Variants in KLHDC10 observed in about 807,000 individuals in gnomAD.
The protein encoded by KLHDC10 is kelch domain-containing protein 10.
A neutral mutation model predicts 56.1 loss-of-function variants in KLHDC10; 24 were observed. The ratio of observed to expected loss-of-function variants is 0.43; its 90% CI spans 0.31 to 0.60. The LOEUF is 0.60. KLHDC10 is among the 20% of genes least tolerant of loss of function. The pLI is 0.11. For missense variants in KLHDC10, 349 were observed against 567.0 expected (o/e 0.62, Z 3.91); for synonymous variants, 188 against 207.1 (o/e 0.91, Z 0.79).
chr7:130,072,323 T>G (rs1405862444), intron 1 of KLHDC10, among the ~76,000 whole-genome samples: 1 of 152,200 alleles, frequency 6.6e-6, no homozygotes, highest in Non-Finnish European at 1.5e-5. Context: ...ACTTCCTCAC[T>G]TCAACCACGT....
chr7:130,102,159 A>G (rs921106648), intron 2 of KLHDC10, among the ~76,000 whole-genome samples: 20 of 152,222 alleles, frequency 1.3e-4, no homozygotes, highest in African/African-American at 4.8e-4. Context: ...TTTGGCAGTA[A>G]TAAGGTCAAA....
chr7:130,082,024 G>C (rs1458225402), intron 1 of KLHDC10, among the ~76,000 whole-genome samples: 1 of 152,130 alleles, frequency 6.6e-6, no homozygotes, highest in Non-Finnish European at 1.5e-5. Context: ...TTAAAATTTG[G>C]ATAATGGGCT....
intron 1 of KLHDC10, among the ~76,000 whole-genome samples, chr7:130,084,699 C>T (rs552911524): frequency 7.9e-5 from 12 of 151,880 alleles, no homozygotes; most frequent in South Asian, 2.1e-4. Context: ...ATTGCTTGAA[C>T]CCAGGAGGCG....
In KLHDC10 at chr7:130,107,701, G is replaced by A. The variant is rs140731236; in HGVS notation, c.254-8744G>A. Among the ~76,000 whole-genome samples the A allele has an allele frequency of 3.1e-3, 470 of 151,674 alleles. 4 individuals carry two copies. Among genetic ancestry groups the A allele is most frequent in the African/African-American group, 0.011 (435 of 41,342 alleles). ...TTTACTAAAAATACAAAAATTAGCC[G>A]GGCGTCGTGGTGCACGCCTGTAATC... On this transcript the variant is annotated intron_variant, in intron 2 of 9. Coordinates refer to ENST00000335420, the MANE Select transcript of KLHDC10 (RefSeq NM_014997.4).
At chr7:130,105,878 G>A (rs1563102144) in intron 2 of KLHDC10, among the ~76,000 whole-genome samples, 1 of 152,148 alleles carries the variant, frequency 6.6e-6, no homozygotes, top group Non-Finnish European at 1.5e-5. Flanking sequence ...GGCCGGGCGC[G>A]GTGGCTCACG....
chr7:130,088,026 G>T (rs747640380), intron 1 of KLHDC10, among the ~76,000 whole-genome samples: 1 of 151,932 alleles, frequency 6.6e-6, no homozygotes, highest in East Asian at 1.9e-4. Flanking sequence ...CTCACAAAGT[G>T]CTGGAATTAC....
chr7:130,101,698 C>T (rs1209103721), intron 2 of KLHDC10, among the ~76,000 whole-genome samples: 1 of 152,104 alleles, frequency 6.6e-6, no homozygotes, highest in African/African-American at 2.4e-5. Flanking sequence ...AGGCCGGGTG[C>T]GGCGGCTCAC....
At chr7:130,125,419 T>A (rs1584640192) in intron 6 of KLHDC10, among the ~76,000 whole-genome samples, 1 of 152,066 alleles carries the variant, frequency 6.6e-6, no homozygotes, top group Non-Finnish European at 1.5e-5. Context: ...GGCGGGCACC[T>A]GTAGTCTCAG....
At chr7:130,089,819 T>C (rs1488629615) in intron 1 of KLHDC10, among the ~76,000 whole-genome samples, 2 of 152,220 alleles carry the variant, frequency 1.3e-5, no homozygotes, top group African/African-American at 4.8e-5. Context: ...GGAGTAGGAC[T>C]GTACCACATG....
chr7:130,125,197 C>G (rs910859807), intron 6 of KLHDC10, among the ~76,000 whole-genome samples: 3 of 152,196 alleles, frequency 2.0e-5, no homozygotes, highest in Non-Finnish European at 4.4e-5. Context: ...TCAAGCATCA[C>G]ATGCACTGCA....
intron 1 of KLHDC10, among the ~76,000 whole-genome samples, chr7:130,071,222 G>A (rs1461435854): frequency 6.6e-6 from 1 of 152,224 alleles, no homozygotes; most frequent in Non-Finnish European, 1.5e-5. Context: ...CGCATTCCAA[G>A]GAGTGATTTT....
intron 1 of KLHDC10, among the ~76,000 whole-genome samples, chr7:130,082,990 G>T (rs550144671): frequency 1.3e-5 from 2 of 152,074 alleles, no homozygotes; most frequent in Admixed American, 1.3e-4. Context: ...TCTTTTGTTT[G>T]TTTCCCCTTC....
At chr7:130,090,739 C>T (rs1795759811) in intron 1 of KLHDC10, among the ~76,000 whole-genome samples, 1 of 151,110 alleles carries the variant, frequency 6.6e-6, no homozygotes. Flanking sequence ...AGTGACCTTA[C>T]TCAGATTTCA....
In KLHDC10 at chr7:130,092,695, AC is replaced by A. The variant is rs1795791977; in HGVS notation, c.167-4224del. Among the ~76,000 whole-genome samples the A allele has an allele frequency of 2.6e-5, 4 of 152,062 alleles. No homozygotes were observed. The South Asian group carries it at 8.3e-4, about 32-fold the overall frequency. ...CCACTGTTCCCATCTGGGAGCAAATACCTCTATTCTATAATGCTTGACTCAA... is the reference window on the plus strand; with the variant it reads ...CCACTGTTCCCATCTGGGAGCAAATACTCTATTCTATAATGCTTGACTCAA... On this transcript the variant is annotated intron_variant, in intron 1 of 9. Coordinates refer to ENST00000335420, the MANE Select transcript of KLHDC10 (RefSeq NM_014997.4).
At chr7:130,118,206 CT>C (rs1563105101) in intron 3 of KLHDC10, among the ~76,000 whole-genome samples, 1 of 152,108 alleles carries the variant, frequency 6.6e-6, no homozygotes, top group African/African-American at 2.4e-5. Context: ...AATTAAAAAT[CT>C]GTTGTTTAGT....
chr7:130,079,918 C>G (rs1294567756), intron 1 of KLHDC10, among the ~76,000 whole-genome samples: 2 of 90,420 alleles, frequency 2.2e-5, no homozygotes, highest in African/African-American at 1.0e-4. Context: ...CCCTCCCTTC[C>G]TCCCTTTCTC....
rs1796395803 is a variant in KLHDC10, at chr7:130,131,193, C to CTT, written c.*448_*449insTT. ...GCAACAACCACAAATTTAGGGGAAGCTGAGAAGGCTAACCTTGGGAATCTT... is the reference window on the plus strand; with the variant it reads ...GCAACAACCACAAATTTAGGGGAAGCTTTGAGAAGGCTAACCTTGGGAATCTT... On this transcript the variant is annotated 3_prime_UTR_variant, in exon 10 of 10. Coordinates refer to ENST00000335420, the MANE Select transcript of KLHDC10 (RefSeq NM_014997.4). 1 of 161,908 alleles carries CTT rather than the reference C, an allele frequency of 6.2e-6. No homozygotes were observed. The highest frequency in any genetic ancestry group is 1.4e-5 in the Non-Finnish European group (1 of 72,792). The allele number at this position is 161,908 out of a possible 1,614,324, so 10.0% of individuals were successfully genotyped here. A position where few individuals can be genotyped will look rare whatever the true frequency, so the allele number is the denominator to read the frequency against.
rs1323076603 is a variant in KLHDC10 at position 130,116,710 on chromosome 7, G to A, written c.475+44G>A. 18 of 1,467,576 alleles carry A rather than the reference G, an allele frequency of 1.2e-5. No homozygotes were observed. The highest frequency in any genetic ancestry group is 1.6e-5 in the Non-Finnish European group (17 of 1,048,046). The allele number at this position is 1,467,576 out of a possible 1,614,324, so 90.9% of individuals were successfully genotyped here. A position where few individuals can be genotyped will look rare whatever the true frequency, so the allele number is the denominator to read the frequency against. Reference sequence around the variant, plus strand: ...TAACTCCTGACTTTATGAAATGTCTGAGAAGCCAGGTTCAATGTCCCATAT... The same window carrying A: ...TAACTCCTGACTTTATGAAATGTCTAAGAAGCCAGGTTCAATGTCCCATAT... On this transcript the variant is annotated intron_variant, in intron 3 of 9. Transcript: ENST00000335420. This position sits in a 1 kb window ranked among gnomAD's most constrained non-coding sequence, Gnocchi z 4.8.
intron 2 of KLHDC10, among the ~76,000 whole-genome samples, chr7:130,101,554 C>G (rs527818838): frequency 6.2e-4 from 94 of 152,264 alleles, no homozygotes; most frequent in African/African-American, 2.1e-3. Context: ...CTCCTTCTCT[C>G]CCTTCACATA....
Sources: allele counts gnomAD v4.1 joint callset (sites outside exome capture counted in the v4.1 genomes callset), GRCh38; gene constraint gnomAD v4.1.1; non-coding constraint Gnocchi (gnomAD v3.1); transcripts MANE v1.5; gene names NCBI Gene and HGNC (gene_info 2026-07-23, HGNC 2026-07-21).